The following ANKRD45 variants were observed in gnomAD, a reference collection of about 807,000 sequenced individuals.
ANKRD45 encodes the protein ankyrin repeat domain-containing protein 45.
ANKRD45 carries 21 observed loss-of-function variants against 28.1 expected under a neutral mutation model. The ratio of observed to expected loss-of-function variants is 0.75; its 90% confidence interval spans 0.53 to 1.08. The LOEUF (loss-of-function observed/expected upper bound fraction) is 1.08, where lower values mean the gene tolerates loss of function less well. Ranked by LOEUF, ANKRD45 falls within the 50% of genes least tolerant of loss-of-function variation. The pLI is 0.00. For missense variants in ANKRD45, 261 were observed against 308.7 expected (o/e 0.85, Z 1.16); for synonymous variants, 86 against 103.9 (o/e 0.83, Z 1.05).
At chr1:173,653,027 T>C (rs1042186671) in intron 2 of ANKRD45, among the ~76,000 whole-genome samples, 1 of 152,064 alleles carries the variant, frequency 6.6e-6, no homozygotes, top group African/African-American at 2.4e-5. Context: ...ATCAATTTTG[T>C]GGATCTTTGC....
chr1:173,635,214 C>A, intron 3 of ANKRD45: 1 of 221,816 alleles, frequency 4.5e-6, no homozygotes, highest in Non-Finnish European at 8.9e-6. Context: ...TTAAGAAACT[C>A]AATGTGATTG....
At chr1:173,697,920 C>A in the ANKRD45 span, among the ~76,000 whole-genome samples, 1,419 of 151,582 alleles carry the variant, frequency 9.4e-3, 20 homozygotes, top group African/African-American at 0.031. Context: ...TCAGGAGACC[C>A]ATCTCAAGTA....
intron 3 of ANKRD45, among the ~76,000 whole-genome samples, chr1:173,629,333 G>A (rs749530163): frequency 1.5e-4 from 23 of 152,168 alleles, no homozygotes; most frequent in Non-Finnish European, 2.8e-4. Context: ...ATCCCAGAGT[G>A]AAAGAGATAT....
the ANKRD45 span, among the ~76,000 whole-genome samples, chr1:173,701,888 T>A: frequency 6.6e-6 from 1 of 152,084 alleles, no homozygotes; most frequent in Admixed American, 6.5e-5. Context: ...TTAAAAATCA[T>A]CATTTTATGA....
chr1:173,680,222 A>G, the ANKRD45 span, among the ~76,000 whole-genome samples: 10 of 152,368 alleles, frequency 6.6e-5, no homozygotes, highest in South Asian at 2.1e-4. Context: ...TCATTCTACT[A>G]TAAAGACACA....
chr1:173,673,632 A>G (rs1208416917), upstream of ANKRD45, among the ~76,000 whole-genome samples: 2 of 152,122 alleles, frequency 1.3e-5, no homozygotes, highest in Non-Finnish European at 2.9e-5. Flanking sequence ...AGAAAGTGAT[A>G]TTATTCTTGA....
chr1:173,620,557 G>A (rs1667654644), intron 5 of ANKRD45, among the ~76,000 whole-genome samples: 1 of 152,114 alleles, frequency 6.6e-6, no homozygotes, highest in African/African-American at 2.4e-5. Context: ...AGAACCAAGA[G>A]CATGGACACA....
intron 3 of ANKRD45, among the ~76,000 whole-genome samples, chr1:173,640,375 C>A (rs1558131301): frequency 6.7e-6 from 1 of 149,490 alleles, no homozygotes; most frequent in Middle Eastern, 3.4e-3. Flanking sequence ...GGGAAGGCCC[C>A]TATCTGGTGC....
At chr1:173,712,155 G>A in the ANKRD45 span, among the ~76,000 whole-genome samples, 493 of 152,302 alleles carry the variant, frequency 3.2e-3, 1 homozygote, top group African/African-American at 0.011. Flanking sequence ...TGTTTGAACA[G>A]TAATGAGAGA....
the ANKRD45 span, among the ~76,000 whole-genome samples, chr1:173,714,070 G>A: frequency 1.3e-5 from 2 of 151,978 alleles, no homozygotes; most frequent in African/African-American, 2.4e-5. Flanking sequence ...AGAAACAACT[G>A]GACACACCTG....
chr1:173,622,303 C>T (rs936739281), intron 5 of ANKRD45, among the ~76,000 whole-genome samples: 1 of 152,136 alleles, frequency 6.6e-6, no homozygotes, highest in African/African-American at 2.4e-5. Context: ...TTAGAATAAA[C>T]TATTTTAAAA....
chr1:173,676,087 C>T, the ANKRD45 span, among the ~76,000 whole-genome samples: 12 of 152,086 alleles, frequency 7.9e-5, no homozygotes, highest in South Asian at 2.1e-4. Context: ...GAAAAAGGTA[C>T]GAGGCCAATT....
the ANKRD45 span, among the ~76,000 whole-genome samples, chr1:173,697,437 G>A: frequency 2.6e-5 from 4 of 152,192 alleles, no homozygotes; most frequent in African/African-American, 9.6e-5. Context: ...TACCCACAAA[G>A]GGAAGCCCAT....
chr1:173,696,532 C>T, the ANKRD45 span, among the ~76,000 whole-genome samples: 2 of 152,164 alleles, frequency 1.3e-5, no homozygotes, highest in African/African-American at 4.8e-5. Context: ...AATAGGGAGC[C>T]CTTTTCTCAT....
At chr1:173,681,263 G>GT in the ANKRD45 span, among the ~76,000 whole-genome samples, 1 of 152,060 alleles carries the variant, frequency 6.6e-6, no homozygotes, top group African/African-American at 2.4e-5. Flanking sequence ...GTGTATGTGT[G>GT]TTTTTTATAT....
chr1:173,692,120 AAAGTTGCTTTACAAGG>A, the ANKRD45 span, among the ~76,000 whole-genome samples: 3 of 152,206 alleles, frequency 2.0e-5, no homozygotes, highest in East Asian at 5.8e-4. Context: ...GTAGTCGAAA[AAAGTTGCTTTACAAGG>A]AAGTGAAGTT....
In ANKRD45 at chr1:173,613,516, C is replaced by A. The variant is rs573754975; in HGVS notation, c.731-3301G>T. Among the ~76,000 whole-genome samples the A allele has an allele frequency of 8.2e-5, 12 of 147,228 alleles. 1 individual carries two copies. The South Asian group carries it at 2.6e-3, about 32-fold the overall frequency. On this transcript the variant is annotated intron_variant, in intron 5 of 5. Coordinates refer to ENST00000333279, the MANE Select transcript of ANKRD45 (RefSeq NM_198493.3). Reference sequence around the variant, plus strand: ...GTCCGGGAGGGAGGTGGGGGCTCAGCCCCCGCCCGGCCAGCCGCCCCGTCC... The same window carrying A: ...GTCCGGGAGGGAGGTGGGGGCTCAGACCCCGCCCGGCCAGCCGCCCCGTCC...
intron 2 of ANKRD45, chr1:173,658,631 G>T: frequency 6.6e-6 from 1 of 151,922 alleles, no homozygotes; most frequent in East Asian, 1.9e-4. Context: ...AATAATTACT[G>T]AATTTAAAAA....
intron 5 of ANKRD45, among the ~76,000 whole-genome samples, chr1:173,616,745 G>A (rs991753300): frequency 7.2e-5 from 11 of 152,118 alleles, no homozygotes; most frequent in African/African-American, 2.4e-4. Flanking sequence ...GAACTGAGAT[G>A]GCCGATTAGA....
Sources: gnomAD v4.1 joint callset for allele counts (sites outside exome capture counted in the v4.1 genomes callset) on GRCh38, gnomAD v4.1.1 for gene constraint, MANE v1.5 for transcripts, NCBI Gene and HGNC (gene_info 2026-07-23, HGNC 2026-07-21) for gene names.